Variants in AGBL4 observed in about 807,000 individuals in gnomAD.
The protein encoded by AGBL4 is cytosolic carboxypeptidase 6.
A neutral mutation model predicts 66.4 loss-of-function variants in AGBL4; 58 were observed. The observed-to-expected ratio is 0.87, with a 90% confidence interval of 0.71 to 1.09. The LOEUF (loss-of-function observed/expected upper bound fraction) is 1.09. Ranked by LOEUF, AGBL4 falls within the 50% of genes least tolerant of loss-of-function variation. The pLI is 0.00. For synonymous variants in AGBL4, 234 were observed against 222.9 expected (o/e 1.05, Z -0.44); for missense variants, 579 against 631.0 (o/e 0.92, Z 0.88).
intron 2 of AGBL4, among the ~76,000 whole-genome samples, chr1:49,769,718 C>A (rs188894074): frequency 6.6e-6 from 1 of 152,234 alleles, no homozygotes; most frequent in Admixed American, 6.5e-5. Context: ...GGACAGGACT[C>A]CCTATTCAAT....
At chr1:48,617,064 GAAAGGAGGGAGA>G in intron 9 of AGBL4, among the ~76,000 whole-genome samples, 1 of 152,292 alleles carries the variant, frequency 6.6e-6, no homozygotes. Flanking sequence ...AAGAAAGGAA[GAAAGGAGGGAGA>G]AAAGGAGGGA....
At chr1:48,952,524 T>C (rs79010244) in intron 5 of AGBL4, among the ~76,000 whole-genome samples, 11,704 of 152,268 alleles carry the variant, frequency 0.077, 585 homozygotes, top group Non-Finnish European at 0.1. Flanking sequence ...TGGGGTAAGA[T>C]TCAAAAGCAA....
At chr1:49,473,882 T>C (rs1646796339) in intron 3 of AGBL4, among the ~76,000 whole-genome samples, 1 of 152,132 alleles carries the variant, frequency 6.6e-6, no homozygotes, top group Non-Finnish European at 1.5e-5. Flanking sequence ...ACTTGCTGAA[T>C]AGGGTATCCT....
chr1:49,579,366 G>A (rs989573794), intron 3 of AGBL4, among the ~76,000 whole-genome samples: 14 of 152,004 alleles, frequency 9.2e-5, no homozygotes, highest in Admixed American at 8.5e-4. Context: ...TTATTCCACT[G>A]TGGTCTATGC....
intron 3 of AGBL4, among the ~76,000 whole-genome samples, chr1:49,341,674 G>A (rs375998624): frequency 8.5e-5 from 13 of 152,280 alleles, no homozygotes; most frequent in South Asian, 8.3e-4. Context: ...AGGATTAGGC[G>A]TGTGCAGGAT....
intron 6 of AGBL4, among the ~76,000 whole-genome samples, chr1:48,860,636 G>T (rs1406174162): frequency 6.6e-6 from 1 of 152,220 alleles, no homozygotes; most frequent in Non-Finnish European, 1.5e-5. Flanking sequence ...TAGGTATAGA[G>T]AGGTGAGGAA....
At chr1:48,747,280 G>A (rs1433386108) in intron 6 of AGBL4, among the ~76,000 whole-genome samples, 2 of 152,068 alleles carry the variant, frequency 1.3e-5, no homozygotes, top group Non-Finnish European at 2.9e-5. Context: ...ATTTGCATTC[G>A]GATATTGACA....
chr1:48,867,792 C>T (rs1648259629), intron 5 of AGBL4, among the ~76,000 whole-genome samples: 1 of 152,214 alleles, frequency 6.6e-6, no homozygotes, highest in Non-Finnish European at 1.5e-5. Flanking sequence ...CCTTTTCTAA[C>T]TGAATCCTTA....
chr1:49,530,633 T>C (rs1651063883), intron 3 of AGBL4, among the ~76,000 whole-genome samples: 1 of 152,020 alleles, frequency 6.6e-6, no homozygotes, highest in East Asian at 1.9e-4. Flanking sequence ...TCCTATTTGA[T>C]AATATATGGG....
chr1:49,592,506 T>C (rs1478059909), intron 3 of AGBL4, among the ~76,000 whole-genome samples: 4 of 151,978 alleles, frequency 2.6e-5, no homozygotes, highest in Non-Finnish European at 5.9e-5. Flanking sequence ...GAAGTGGAGT[T>C]TGCAGTGAAC....
intron 9 of AGBL4, among the ~76,000 whole-genome samples, chr1:48,630,744 T>C (rs1645580002): frequency 6.6e-6 from 1 of 152,172 alleles, no homozygotes; most frequent in South Asian, 2.1e-4. Context: ...CCTATTCCCA[T>C]GAAAGTAAAG....
rs386366923 is a variant in AGBL4, at chr1:48,590,406, CAA to C, written c.1104+425_1104+426del. 3.1e-4 allele frequency among the ~76,000 whole-genome samples: 29 copies of C among 93,602 alleles called. No homozygotes were observed. The South Asian group carries it at 5.6e-3, about 18-fold the overall frequency. The allele number at this position is 93,602 out of a possible 152,430, so 61.4% of individuals were successfully genotyped here. A position where few individuals can be genotyped will look rare whatever the true frequency, so the allele number is the denominator to read the frequency against. ...GGGCAATAAGAGTGAAACTCAGTCT[CAA>C]AAAAAAAAAAAAAAAAATTAGCCAG... On this transcript the variant is annotated intron_variant, in intron 10 of 13. Transcript: ENST00000371839.
chr1:49,471,215 T>C (rs959018098), intron 3 of AGBL4, among the ~76,000 whole-genome samples: 1 of 151,996 alleles, frequency 6.6e-6, no homozygotes, highest in Non-Finnish European at 1.5e-5. Context: ...AAAGCAATAA[T>C]ATAAGTCATT....
chr1:48,703,128 G>C (rs977193517), intron 6 of AGBL4, among the ~76,000 whole-genome samples: 1 of 152,126 alleles, frequency 6.6e-6, no homozygotes, highest in African/African-American at 2.4e-5. Context: ...AAAACTTAGA[G>C]AAAGAGAAAG....
At chr1:49,240,293 G>A (rs542887912) in intron 4 of AGBL4, among the ~76,000 whole-genome samples, 3 of 152,148 alleles carry the variant, frequency 2.0e-5, no homozygotes, top group East Asian at 1.9e-4. Context: ...GTAGCTAAAT[G>A]TTTGAGAGAG....
intron 5 of AGBL4, among the ~76,000 whole-genome samples, chr1:48,880,443 T>C (rs1436736528): frequency 6.6e-6 from 1 of 152,208 alleles, no homozygotes; most frequent in Admixed American, 6.5e-5. Context: ...GCAATTATCT[T>C]TTTCATATAA....
intron 3 of AGBL4, among the ~76,000 whole-genome samples, chr1:49,436,658 A>G (rs912256856): frequency 2.0e-5 from 3 of 152,232 alleles, no homozygotes; most frequent in Non-Finnish European, 4.4e-5. Flanking sequence ...TAGCAAATCT[A>G]TCTTTTGCCA....
At chr1:49,095,756 T>C (rs1645085923) in intron 4 of AGBL4, among the ~76,000 whole-genome samples, 1 of 151,498 alleles carries the variant, frequency 6.6e-6, no homozygotes, top group Non-Finnish European at 1.5e-5. Flanking sequence ...ACCTAGGCAA[T>C]ACCATTCAGG....
At chr1:48,750,297 A>G (rs1651486786) in intron 6 of AGBL4, among the ~76,000 whole-genome samples, 1 of 152,052 alleles carries the variant, frequency 6.6e-6, no homozygotes, top group Admixed American at 6.6e-5. Context: ...GCTCTCATCT[A>G]TGTCTGCAAC....
Sources: gnomAD v4.1 joint callset for allele counts (sites outside exome capture counted in the v4.1 genomes callset) on GRCh38, gnomAD v4.1.1 for gene constraint, MANE v1.5 for transcripts, NCBI Gene and HGNC (gene_info 2026-07-23, HGNC 2026-07-21) for gene names.